The following LRRC4C variants were observed in gnomAD, a reference collection of about 807,000 sequenced individuals.
The protein encoded by LRRC4C is leucine-rich repeat-containing protein 4C.
A neutral mutation model predicts 33.6 loss-of-function variants in LRRC4C; 5 were observed. That is an observed-to-expected ratio of 0.15 (90% CI 0.08 to 0.31). The LOEUF (loss-of-function observed/expected upper bound fraction) is 0.31, where lower values mean the gene tolerates loss of function less well. Ranked by LOEUF, LRRC4C falls within the 10% of genes least tolerant of loss-of-function variation. The pLI is 1.00. For missense variants in LRRC4C, 560 were observed against 796.7 expected (o/e 0.70, Z 3.58); for synonymous variants, 329 against 302.0 (o/e 1.09, Z -0.93).
chr11:41,112,034 T>G (rs1941861825), intron 1 of LRRC4C, among the ~76,000 whole-genome samples: 2 of 152,044 alleles, frequency 1.3e-5, no homozygotes, highest in African/African-American at 4.8e-5. Flanking sequence ...ACTTTGCTTA[T>G]TATCTCTGTC....
intron 1 of LRRC4C, among the ~76,000 whole-genome samples, chr11:41,364,631 ACTT>A (rs982812794): frequency 7.9e-5 from 12 of 152,192 alleles, no homozygotes; most frequent in African/African-American, 2.7e-4. Context: ...GTGAAATAAA[ACTT>A]TATTATATAA....
chr11:40,626,793 C>T (rs1325909758), intron 3 of LRRC4C, among the ~76,000 whole-genome samples: 5 of 152,166 alleles, frequency 3.3e-5, no homozygotes, highest in African/African-American at 1.2e-4. Flanking sequence ...AATTTTGGAT[C>T]ACTTTCCATC....
chr11:40,487,178 G>T (rs373582103), intron 3 of LRRC4C, among the ~76,000 whole-genome samples: 1 of 152,052 alleles, frequency 6.6e-6, no homozygotes, highest in South Asian at 2.1e-4. Context: ...GATTCCTTGT[G>T]TGTGAATTTT....
chr11:41,157,559 T>C (rs1944289357), intron 1 of LRRC4C, among the ~76,000 whole-genome samples: 1 of 152,140 alleles, frequency 6.6e-6, no homozygotes, highest in South Asian at 2.1e-4. Context: ...ACCAAAATTA[T>C]GTTTGGGCTG....
chr11:40,989,487 A>C lies in LRRC4C; in HGVS notation c.-495-55764T>G, dbSNP rs114900618. 2.3e-3 allele frequency among the ~76,000 whole-genome samples: 345 copies of C among 152,276 alleles called. 1 individual carries two copies. The highest frequency in any genetic ancestry group is 8.1e-3 in the African/African-American group (336 of 41,544). ...AGTCAAAGCCAGGAACTCCCATTTTACAGCCCTCACTGACGTCTGTGTTCC... is the reference window on the plus strand; with the variant it reads ...AGTCAAAGCCAGGAACTCCCATTTTCCAGCCCTCACTGACGTCTGTGTTCC... On this transcript the variant is annotated intron_variant, in intron 1 of 6. Transcript: ENST00000528697.
At chr11:40,545,820 C>T (rs1956890008) in intron 3 of LRRC4C, among the ~76,000 whole-genome samples, 1 of 151,890 alleles carries the variant, frequency 6.6e-6, no homozygotes, top group Non-Finnish European at 1.5e-5. Context: ...TCAGGGTTCA[C>T]CTAGATGCTC....
intron 1 of LRRC4C, among the ~76,000 whole-genome samples, chr11:41,423,203 G>A (rs867871791): frequency 7.2e-5 from 11 of 152,042 alleles, no homozygotes; most frequent in South Asian, 6.2e-4. Flanking sequence ...CAGAAATCTG[G>A]GTGTGGATTA....
chr11:41,147,049 C>G (rs914542988), intron 1 of LRRC4C, among the ~76,000 whole-genome samples: 3 of 152,162 alleles, frequency 2.0e-5, no homozygotes, highest in Non-Finnish European at 4.4e-5. Context: ...AATAATTGTC[C>G]TAATGGAAAT....
chr11:41,001,249 C>A (rs1316079811), intron 1 of LRRC4C, among the ~76,000 whole-genome samples: 1 of 152,138 alleles, frequency 6.6e-6, no homozygotes, highest in Non-Finnish European at 1.5e-5. Context: ...ACCTGGGAGT[C>A]TCCAGTGTCC....
intron 1 of LRRC4C, among the ~76,000 whole-genome samples, chr11:41,341,699 G>A (rs1454086684): frequency 6.6e-6 from 1 of 152,158 alleles, no homozygotes; most frequent in East Asian, 1.9e-4. Flanking sequence ...AAGAATGCAA[G>A]CCCCAATTAT....
Position 41,120,959 on chromosome 11 carries a change from A to G in LRRC4C, c.-495-187236T>C, listed in dbSNP as rs185572649. Among the ~76,000 whole-genome samples the G allele has an allele frequency of 3.0e-3, 454 of 152,038 alleles. 1 individual carries two copies. The highest frequency in any genetic ancestry group is 4.2e-3 in the Non-Finnish European group (287 of 67,978). The stretch of plus-strand genomic sequence containing the variant: ...GCTTGCTTCCCCTTTGCCCTCTGTG[A>G]TGATTGTAAGTTTCCTGAGGCCTCC... On this transcript the variant is annotated intron_variant, in intron 1 of 6. Transcript: ENST00000528697.
intron 1 of LRRC4C, among the ~76,000 whole-genome samples, chr11:41,405,947 C>T (rs1449159237): frequency 6.6e-6 from 1 of 152,094 alleles, no homozygotes; most frequent in Non-Finnish European, 1.5e-5. Flanking sequence ...ATGCTCTAAG[C>T]ACTGTTTTAA....
At chr11:40,564,026 G>T (rs1282011537) in intron 3 of LRRC4C, among the ~76,000 whole-genome samples, 4 of 152,170 alleles carry the variant, frequency 2.6e-5, no homozygotes, top group Non-Finnish European at 5.9e-5. Context: ...ACAACCCAAA[G>T]AAGCTGCAGG....
chr11:40,539,093 C>T (rs950175231), intron 3 of LRRC4C, among the ~76,000 whole-genome samples: 1 of 152,078 alleles, frequency 6.6e-6, no homozygotes, highest in Non-Finnish European at 1.5e-5. Flanking sequence ...AGAAGTATTG[C>T]CGACCAAGCT....
In LRRC4C at chr11:41,411,225, T is replaced by C. The variant is rs969830200; in HGVS notation, c.-496+48206A>G. Among the ~76,000 whole-genome samples the C allele has an allele frequency of 3.5e-5, 5 of 143,710 alleles. No homozygotes were observed. The Admixed American group carries it at 3.5e-4, about 10-fold the overall frequency. 94.3% of individuals were successfully genotyped at this position (143,710 alleles called of 152,430 possible). ...GTGCAGTGGCGCCATCTCGGCTCATTGCAAGCTCTGCCTCCCAGGTTCATG... is the reference window on the plus strand; with the variant it reads ...GTGCAGTGGCGCCATCTCGGCTCATCGCAAGCTCTGCCTCCCAGGTTCATG... On this transcript the variant is annotated intron_variant, in intron 1 of 6. Transcript: ENST00000528697.
intron 4 of LRRC4C, among the ~76,000 whole-genome samples, chr11:40,310,679 C>A (rs938613999): frequency 3.9e-5 from 6 of 152,102 alleles, no homozygotes; most frequent in Non-Finnish European, 1.5e-5. Flanking sequence ...CCACCCCACC[C>A]CCTCCATAAA....
chr11:41,020,189 C>G (rs1191481271), intron 1 of LRRC4C, among the ~76,000 whole-genome samples: 3 of 152,056 alleles, frequency 2.0e-5, no homozygotes, highest in Non-Finnish European at 4.4e-5. Flanking sequence ...TTATATAGTA[C>G]AAAATATGTC....
intron 1 of LRRC4C, among the ~76,000 whole-genome samples, chr11:41,324,430 C>CA (rs1374418762): frequency 6.6e-6 from 1 of 151,800 alleles, no homozygotes; most frequent in Non-Finnish European, 1.5e-5. Context: ...AACTCCCTCT[C>CA]AAAAAAATAA....
chr11:41,104,116 A>C (rs1941356891), intron 1 of LRRC4C, among the ~76,000 whole-genome samples: 1 of 151,930 alleles, frequency 6.6e-6, no homozygotes, highest in Non-Finnish European at 1.5e-5. Context: ...ATTGGGTATT[A>C]TCACGATTAA....
Sources: allele counts gnomAD v4.1 joint callset (sites outside exome capture counted in the v4.1 genomes callset), GRCh38; gene constraint gnomAD v4.1.1; transcripts MANE v1.5; gene names NCBI Gene and HGNC (gene_info 2026-07-23, HGNC 2026-07-21).